The following DENND6A variants were observed in gnomAD, a reference collection of about 807,000 sequenced individuals.
DENND6A encodes DENN domain containing 6A.
Under a neutral mutation model 95.5 loss-of-function variants are expected in DENND6A, and 43 were observed. The observed-to-expected ratio is 0.45, with a 90% CI of 0.35 to 0.58. The LOEUF (loss-of-function observed/expected upper bound fraction) is 0.58. DENND6A is among the 20% of genes least tolerant of loss of function. The pLI is 0.00. For missense variants in DENND6A, 574 were observed against 736.0 expected (o/e 0.78, Z 2.55); for synonymous variants, 257 against 260.4 (o/e 0.99, Z 0.13).
At chr3:57,673,903 G>A (rs1052246328) in intron 1 of DENND6A, among the ~76,000 whole-genome samples, 11 of 151,974 alleles carry the variant, frequency 7.2e-5, no homozygotes, top group Admixed American at 2.0e-4. Flanking sequence ...CTGAGTAGCT[G>A]GAATTACAGG....
chr3:57,688,419 C>T (rs1458599068), intron 1 of DENND6A, among the ~76,000 whole-genome samples: 1 of 152,046 alleles, frequency 6.6e-6, no homozygotes, highest in African/African-American at 2.4e-5. Context: ...CCTCCTATTG[C>T]AGGGGTGAGC....
At chr3:57,685,313 AAAT>A (rs2153417480) in intron 1 of DENND6A, among the ~76,000 whole-genome samples, 1 of 152,302 alleles carries the variant, frequency 6.6e-6, no homozygotes, top group African/African-American at 2.4e-5. Context: ...ATTTATTTTA[AAAT>A]AATAACCTAT....
At chr3:57,629,796 A>G (rs887242466) in intron 18 of DENND6A, among the ~76,000 whole-genome samples, 12 of 151,682 alleles carry the variant, frequency 7.9e-5, no homozygotes, top group Non-Finnish European at 1.6e-4. Flanking sequence ...TGCTGGGATT[A>G]CAGGCGTGAG....
chr3:57,639,267 T>C (rs1197865582), intron 12 of DENND6A, among the ~76,000 whole-genome samples: 1 of 152,160 alleles, frequency 6.6e-6, no homozygotes, highest in African/African-American at 2.4e-5. Flanking sequence ...CAACATCAAA[T>C]GTTGGCAGAG....
rs1239194872 is a variant in DENND6A, at chr3:57,630,993, A to G, written c.1354-15T>C. On this transcript the variant is annotated splice_polypyrimidine_tract_variant and intron_variant, in intron 15 of 19. Transcript: ENST00000311128. ...ACATATCTTTCCTAAAACCAAGAAA[A>G]AAGTTAATAAAAGGAGTGTCTTCAA... is the stretch of plus-strand genomic sequence containing the variant. 2.5e-6 allele frequency: 4 copies of G among 1,607,824 alleles called. No homozygotes were observed. The South Asian group carries it at 4.5e-5, about 18-fold the overall frequency.
chr3:57,646,204 A>G, intron 10 of DENND6A, 112 bp downstream of exon 10: 4 of 1,437,404 alleles, frequency 2.8e-6, no homozygotes, highest in Non-Finnish European at 3.7e-6. Context: ...GATCAATGCA[A>G]TAATGGGTGG....
chr3:57,641,582 A>T (rs562878375), intron 12 of DENND6A, 71 bp downstream of exon 12: 1 of 1,305,442 alleles, frequency 7.7e-7, no homozygotes, highest in East Asian at 2.5e-5. Flanking sequence ...AAAAATAATC[A>T]AGGATGAAAA....
chr3:57,692,852 T>C lies in DENND6A; in HGVS notation c.167A>G (p.Asp56Gly). The change falls in exon 1 of 20, where the codon GAC (aspartate) becomes GGC (glycine). Residue 56 changes from aspartate to glycine, a missense_variant. Coordinates refer to ENST00000311128, the MANE Select transcript of DENND6A (RefSeq NM_152678.3). ...DGRGRGLLRWDSFSAWLHCVC... is the reference protein window; with the variant it reads ...DGRGRGLLRWGSFSAWLHCVC... ...GCAGTGCAGCCAGGCGGAGAAGCTG[T>C]CCCAGCGCAGCAGGCCCCGGCCACG... is the stretch of plus-strand genomic sequence containing the variant. 1 of 1,585,078 alleles carries C rather than the reference T, an allele frequency of 6.3e-7. No individual in the cohort carries two copies. Among genetic ancestry groups the C allele is most frequent in the Non-Finnish European group, 8.6e-7 (1 of 1,169,442 alleles).
chr3:57,630,287 C>G, intron 18 of DENND6A, 134 bp downstream of exon 18: 1 of 707,912 alleles, frequency 1.4e-6, no homozygotes, highest in South Asian at 2.3e-5. Flanking sequence ...TGGCACATAG[C>G]ACATGATCTA....
rs372647994 is a variant in DENND6A at position 57,630,547 on chromosome 3, G to A, written c.1518-24C>T. The A allele has an allele frequency of 9.5e-6, 15 of 1,575,152 alleles. No individual in the cohort carries two copies. The African/African-American group carries it at 1.9e-4, about 20-fold the overall frequency. ...GCCTATAAAAATACATTTTAAAAAA[G>A]TAAAGTTTGATTATAACTTATTTCC... On this transcript the variant is annotated intron_variant, in intron 17 of 19. Transcript: ENST00000311128.
At chr3:57,648,877 C>T (rs1304015698) in intron 9 of DENND6A, among the ~76,000 whole-genome samples, 1 of 152,110 alleles carries the variant, frequency 6.6e-6, no homozygotes, top group Non-Finnish European at 1.5e-5. Flanking sequence ...CAAGATTAAT[C>T]AAAAACTTAA....
At chr3:57,661,419 C>G in intron 6 of DENND6A, 27 bp downstream of exon 6, 1 of 1,463,220 alleles carries the variant, frequency 6.8e-7, no homozygotes, top group South Asian at 1.4e-5. Flanking sequence ...TTTAAAACTC[C>G]TGCATAAAGG....
chr3:57,678,689 G>A (rs573498538), intron 1 of DENND6A, among the ~76,000 whole-genome samples: 1 of 152,342 alleles, frequency 6.6e-6, no homozygotes, highest in Non-Finnish European at 1.5e-5. Flanking sequence ...ACCATGTGAG[G>A]ACATAGCAAG....
intron 11 of DENND6A, among the ~76,000 whole-genome samples, chr3:57,642,040 C>T (rs896515210): frequency 3.9e-5 from 6 of 152,044 alleles, no homozygotes; most frequent in African/African-American, 1.2e-4. Context: ...ATTAGCCGAG[C>T]GCGGTGATTC....
At position 57,626,402 on chromosome 3, in the gene DENND6A, T is replaced by A. The variant is rs1432138138; in HGVS notation, c.*1812A>T. 2.6e-5 allele frequency: 4 copies of A among 152,196 alleles called. No individual in the cohort carries two copies. The highest frequency in any genetic ancestry group is 5.9e-5 in the Non-Finnish European group (4 of 68,042). 9.4% of individuals were successfully genotyped at this position (152,196 alleles called of 1,614,324 possible). On this transcript the variant is annotated 3_prime_UTR_variant, in exon 20 of 20. Transcript: ENST00000311128. ...GCTATTAACCACATGCTGTGTCATGTGTGCCTATTTTAGTTAGTGGCTTCT... is the reference window on the plus strand; with the variant it reads ...GCTATTAACCACATGCTGTGTCATGAGTGCCTATTTTAGTTAGTGGCTTCT...
chr3:57,661,649 T>C lies in DENND6A; in HGVS notation c.514-98A>G, dbSNP rs1013366980. The C allele has an allele frequency of 5.3e-6, 5 of 939,194 alleles. No homozygotes were observed. In the African/African-American group the frequency reaches 8.7e-5, roughly 16 times the overall value. The allele number at this position is 939,194 out of a possible 1,614,324, so 58.2% of individuals were successfully genotyped here. ...AGCTAAATTCAGCAAAAAGTGTGGA[T>C]TTTAAAATAAAAAGGCTTTTACAGT... On this transcript the variant is annotated intron_variant, in intron 5 of 19. Coordinates refer to ENST00000311128, the MANE Select transcript of DENND6A (RefSeq NM_152678.3).
Position 57,628,229 on chromosome 3 carries a change from T to C in DENND6A, c.1812A>G (p.Lys604=). 6.2e-7 allele frequency: 1 copy of C among 1,613,408 alleles called. No homozygotes were observed. The highest frequency in any genetic ancestry group is 8.5e-7 in the Non-Finnish European group (1 of 1,179,810). Residue 604 remains lysine (K), a synonymous_variant, in exon 20 of 20, where the codon AAA becomes AAG. Transcript: ENST00000311128. ...LPEDLQGILL[K]TGMT The stretch of plus-strand genomic sequence containing the variant: ...TTGGCAAATATCATGTCATGCCCGT[T>C]TTGAGCAGTATGCCTTGCAAGTCCT...
chr3:57,689,697 T>C (rs2077243277), intron 1 of DENND6A, among the ~76,000 whole-genome samples: 1 of 152,228 alleles, frequency 6.6e-6, no homozygotes, highest in Non-Finnish European at 1.5e-5. Flanking sequence ...TATCTTCCTC[T>C]GGCTTTGGAA....
intron 9 of DENND6A, among the ~76,000 whole-genome samples, chr3:57,647,888 C>T (rs960318840): frequency 2.0e-5 from 3 of 151,794 alleles, no homozygotes; most frequent in Non-Finnish European, 4.4e-5. Flanking sequence ...CAAGAAGAAT[C>T]AGAGAGTGAG....
Sources: allele counts gnomAD v4.1 joint callset (sites outside exome capture counted in the v4.1 genomes callset), GRCh38; gene constraint gnomAD v4.1.1; transcripts MANE v1.5; gene names NCBI Gene and HGNC (gene_info 2026-07-23, HGNC 2026-07-21).